DRC11: variants seen among roughly 807,000 people sequenced by gnomAD.
DRC11 encodes the protein dynein regulatory complex subunit 11.
chr2:236,409,635 C>A, the DRC11 span, among the ~76,000 whole-genome samples: 1 of 152,168 alleles, frequency 6.6e-6, no homozygotes, highest in Non-Finnish European at 1.5e-5. Flanking sequence ...GCCAGAACTT[C>A]CAATACTATG....
the DRC11 span, among the ~76,000 whole-genome samples, chr2:236,449,048 T>TG: frequency 6.6e-6 from 1 of 151,178 alleles, no homozygotes; most frequent in South Asian, 2.1e-4. This position sits in a 1 kb window ranked among gnomAD's most constrained non-coding sequence, Gnocchi z 5.1. Flanking sequence ...TTAGTAGAGA[T>TG]GGGGTTTCAC....
At chr2:236,321,494 C>T in the DRC11 span, among the ~76,000 whole-genome samples, 2 of 152,208 alleles carry the variant, frequency 1.3e-5, no homozygotes, top group African/African-American at 4.8e-5. Context: ...TCTACACTCC[C>T]TCTCCACACC....
the DRC11 span, among the ~76,000 whole-genome samples, chr2:236,427,252 A>G: frequency 6.6e-6 from 1 of 152,102 alleles, no homozygotes; most frequent in Non-Finnish European, 1.5e-5. The surrounding 1 kb of genome is among the most constrained non-coding windows in gnomAD (Gnocchi z 5.9). Flanking sequence ...TTCTCTCAGT[A>G]TCTTGCCTGG....
At chr2:236,428,588 T>A in the DRC11 span, among the ~76,000 whole-genome samples, 1 of 152,220 alleles carries the variant, frequency 6.6e-6, no homozygotes, top group East Asian at 1.9e-4. Context: ...ACATGGAATA[T>A]CTTTTTCTAT....
chr2:236,468,163 C>A, the DRC11 span, among the ~76,000 whole-genome samples: 2 of 152,192 alleles, frequency 1.3e-5, no homozygotes, highest in Non-Finnish European at 2.9e-5. Flanking sequence ...ATGGCACAAT[C>A]TCAGCTGAAC....
chr2:236,380,562 TCCTCACC>T, the DRC11 span: 11 of 1,550,564 alleles, frequency 7.1e-6, no homozygotes, highest in South Asian at 1.3e-4. This position sits in a 1 kb window ranked among gnomAD's most constrained non-coding sequence, Gnocchi z 4.9. Context: ...ACGAGTCCAT[TCCTCACC>T]TGTCAGCTGT....
the DRC11 span, among the ~76,000 whole-genome samples, chr2:236,416,731 A>ATT: frequency 4.7e-5 from 2 of 42,998 alleles, no homozygotes; most frequent in Admixed American, 2.3e-4. Context: ...TTATATATAT[A>ATT]TATATATATA....
chr2:236,378,474 G>A, the DRC11 span, among the ~76,000 whole-genome samples: 1 of 151,964 alleles, frequency 6.6e-6, no homozygotes, highest in Non-Finnish European at 1.5e-5. Flanking sequence ...AGGAGTTCAA[G>A]CCAGGCTGGC....
chr2:236,408,566 G>A, the DRC11 span: 1 of 726,132 alleles, frequency 1.4e-6, no homozygotes, highest in Non-Finnish European at 2.6e-6. This position sits in a 1 kb window ranked among gnomAD's most constrained non-coding sequence, Gnocchi z 5.5. Flanking sequence ...GGAGGAAGCA[G>A]GTATATGTGG....
chr2:236,461,237 T>G, the DRC11 span, among the ~76,000 whole-genome samples: 2 of 152,234 alleles, frequency 1.3e-5, no homozygotes, highest in Non-Finnish European at 2.9e-5. The surrounding 1 kb of genome is among the most constrained non-coding windows in gnomAD (Gnocchi z 4.0). Context: ...AAAATATATT[T>G]TTGAATACCT....
the DRC11 span, among the ~76,000 whole-genome samples, chr2:236,405,902 G>A: frequency 1.7e-3 from 252 of 152,302 alleles, 1 homozygote; most frequent in Non-Finnish European, 2.5e-3. This position sits in a 1 kb window ranked among gnomAD's most constrained non-coding sequence, Gnocchi z 4.6. Flanking sequence ...GAAGAATGGT[G>A]CACAATTCAA....
chr2:236,504,664 T>C, the DRC11 span, among the ~76,000 whole-genome samples: 1 of 152,124 alleles, frequency 6.6e-6, no homozygotes, highest in Non-Finnish European at 1.5e-5. This position sits in a 1 kb window ranked among gnomAD's most constrained non-coding sequence, Gnocchi z 5.0. Flanking sequence ...CCAAATCTCA[T>C]CTTAAATTTT....
At chr2:236,371,278 C>T in the DRC11 span, among the ~76,000 whole-genome samples, 5 of 152,124 alleles carry the variant, frequency 3.3e-5, no homozygotes, top group Admixed American at 2.6e-4. The surrounding 1 kb of genome is among the most constrained non-coding windows in gnomAD (Gnocchi z 5.1). Context: ...CAGAGGAACC[C>T]TCTGGGCCAT....
At chr2:236,356,449 AG>A in the DRC11 span, among the ~76,000 whole-genome samples, 2 of 152,186 alleles carry the variant, frequency 1.3e-5, no homozygotes, top group African/African-American at 2.4e-5. Context: ...ATCCTCCCAC[AG>A]GGTGGGGCAT....
At chr2:236,313,190 A>G in the DRC11 span, among the ~76,000 whole-genome samples, 1 of 152,206 alleles carries the variant, frequency 6.6e-6, no homozygotes, top group Non-Finnish European at 1.5e-5. The surrounding 1 kb of genome is among the most constrained non-coding windows in gnomAD (Gnocchi z 4.5). Flanking sequence ...TAAAGACCTA[A>G]CAAAGATATT....
chr2:236,433,216 G>A, the DRC11 span, among the ~76,000 whole-genome samples: 3 of 152,048 alleles, frequency 2.0e-5, no homozygotes, highest in Admixed American at 6.6e-5. Context: ...GAATTCCACT[G>A]GTTATTCTTG....
the DRC11 span, among the ~76,000 whole-genome samples, chr2:236,348,604 C>T: frequency 9.9e-5 from 15 of 152,184 alleles, no homozygotes; most frequent in South Asian, 3.1e-3. This position sits in a 1 kb window ranked among gnomAD's most constrained non-coding sequence, Gnocchi z 7.4. Flanking sequence ...CTTCCCCTGA[C>T]AATTCAGTGC....
chr2:236,393,593 G>A, the DRC11 span, among the ~76,000 whole-genome samples: 6 of 152,212 alleles, frequency 3.9e-5, no homozygotes, highest in Non-Finnish European at 5.9e-5. This position sits in a 1 kb window ranked among gnomAD's most constrained non-coding sequence, Gnocchi z 4.7. Context: ...CAAACTAATG[G>A]GAAGGAGGGG....
At chr2:236,468,218 A>C in the DRC11 span, among the ~76,000 whole-genome samples, 1 of 152,100 alleles carries the variant, frequency 6.6e-6, no homozygotes, top group Non-Finnish European at 1.5e-5. Context: ...CAGCCTCCCA[A>C]GTAGCGGGAG....
Sources: gnomAD v4.1 joint callset for allele counts (sites outside exome capture counted in the v4.1 genomes callset) on GRCh38, gnomAD v4.1.1 for gene constraint, Gnocchi (gnomAD v3.1) non-coding constraint, MANE v1.5 for transcripts, NCBI Gene and HGNC (gene_info 2026-07-23, HGNC 2026-07-21) for gene names.